Variants in BACH2 observed in about 807,000 individuals in gnomAD.
The protein encoded by BACH2 is BACH transcriptional regulator 2, also known as transcription regulator protein BACH2.
Under a neutral mutation model 61.8 loss-of-function variants are expected in BACH2, and 5 were observed. The ratio of observed to expected loss-of-function variants is 0.08; its 90% CI spans 0.04 to 0.17. The LOEUF (loss-of-function observed/expected upper bound fraction) is 0.17. BACH2 is among the 10% of genes least tolerant of loss of function. BACH2 has a pLI of 1.00. For synonymous variants in BACH2, 446 were observed against 440.1 expected (o/e 1.01, Z -0.17); for missense variants, 824 against 1,091.1 (o/e 0.76, Z 3.45).
chr6:90,021,558 T>C (rs1253979710), intron 5 of BACH2, among the ~76,000 whole-genome samples: 1 of 152,202 alleles, frequency 6.6e-6, no homozygotes, highest in East Asian at 1.9e-4. Flanking sequence ...TATTTAGTAA[T>C]TGCTGAGTAA....
intron 1 of BACH2, among the ~76,000 whole-genome samples, chr6:90,275,693 T>C (rs1440978757): frequency 6.6e-6 from 1 of 152,082 alleles, no homozygotes; most frequent in African/African-American, 2.4e-5. Context: ...CCTGTTGTTC[T>C]GGATGGGCGT....
intron 6 of BACH2, among the ~76,000 whole-genome samples, chr6:89,999,106 A>C (rs1179436102): frequency 1.3e-5 from 2 of 152,252 alleles, no homozygotes; most frequent in African/African-American, 4.8e-5. Flanking sequence ...CACTTAAAAA[A>C]CACACCGTGC....
At chr6:90,154,166 C>A (rs577035478) in intron 4 of BACH2, among the ~76,000 whole-genome samples, 1 of 152,178 alleles carries the variant, frequency 6.6e-6, no homozygotes, top group South Asian at 2.1e-4. Context: ...GGAAACAACC[C>A]TAGCTATTTG....
chr6:90,181,726 C>T (rs140648256), intron 4 of BACH2, among the ~76,000 whole-genome samples: 6 of 152,154 alleles, frequency 3.9e-5, no homozygotes, highest in South Asian at 2.1e-4. Flanking sequence ...GGACCAGCTA[C>T]GGCACCACCA....
chr6:90,022,349 C>T (rs1361476795), intron 5 of BACH2, among the ~76,000 whole-genome samples: 2 of 152,182 alleles, frequency 1.3e-5, no homozygotes, highest in Admixed American at 6.5e-5. Context: ...TTTGAGAGGC[C>T]GAGGTGGGCA....
rs373436788 is a variant in BACH2, at chr6:89,983,499, T to C, written c.243+25103A>G. Among the ~76,000 whole-genome samples the C allele has an allele frequency of 1.1e-4, 16 of 152,174 alleles. 2 individuals carry two copies. Among genetic ancestry groups the C allele is most frequent in the Admixed American group, 6.5e-4 (10 of 15,286 alleles). ...GCCTGGCCAATGTGGTGAAACGCTG[T>C]CTCTACTAAAAATACAAAAATTAGC... is the stretch of plus-strand genomic sequence containing the variant. On this transcript the variant is annotated intron_variant, in intron 6 of 8. Transcript: ENST00000257749.
intron 3 of BACH2, among the ~76,000 whole-genome samples, chr6:90,233,627 C>T (rs1770168451): frequency 2.0e-5 from 3 of 152,178 alleles, no homozygotes; most frequent in South Asian, 4.1e-4. Flanking sequence ...CATTAATGCT[C>T]ATAGGGTCCT....
intron 1 of BACH2, among the ~76,000 whole-genome samples, chr6:90,292,069 G>T (rs1772198191): frequency 6.6e-6 from 1 of 152,198 alleles, no homozygotes; most frequent in African/African-American, 2.4e-5. Context: ...TGTGAGGGCA[G>T]GGACCATGTT....
chr6:90,118,775 A>C (rs183988511), intron 4 of BACH2, among the ~76,000 whole-genome samples: 1 of 152,336 alleles, frequency 6.6e-6, no homozygotes, highest in East Asian at 1.9e-4. Flanking sequence ...TGTTATTTGC[A>C]GTTATCCAAG....
rs1322272380 is a variant in BACH2 at position 89,931,878 on chromosome 6, A to T, written c.*530T>A. 6.6e-6 allele frequency: 1 copy of T among 151,280 alleles called. No homozygotes were observed. Among genetic ancestry groups the T allele is most frequent in the Non-Finnish European group, 1.5e-5 (1 of 67,812 alleles). 9.4% of individuals were successfully genotyped at this position (151,280 alleles called of 1,614,324 possible). Reference sequence around the variant, plus strand: ...TGTTGGAACCTGTTTCTAAATGAGAAATAAGTTTCCAGTTTTAGGATGAGA... The same window carrying T: ...TGTTGGAACCTGTTTCTAAATGAGATATAAGTTTCCAGTTTTAGGATGAGA... On this transcript the variant is annotated 3_prime_UTR_variant, in exon 9 of 9. Transcript: ENST00000257749.
rs1210108619 is a variant in BACH2, at chr6:89,951,713, G to C, written c.393C>G (p.Thr131=). Reference sequence around the variant, plus strand: ...GGCCATCCTCACTGTTCAGGAGCTGGGTCTGCAGGAAGCTGAAGCAGGAGT... The same window carrying C: ...GGCCATCCTCACTGTTCAGGAGCTGCGTCTGCAGGAAGCTGAAGCAGGAGT... ...LEDSCFSFLQ[T]QLLNSEDGLF... is the part of the protein sequence containing the mutation. The change falls in exon 7 of 9, where the codon ACC becomes ACG. Residue 131 remains threonine, a synonymous_variant. Transcript: ENST00000257749. The surrounding 1 kb of genome is among the most constrained non-coding windows in gnomAD (Gnocchi z 6.4). 1 of 1,614,180 alleles carries C rather than the reference G, an allele frequency of 6.2e-7. No individual in the cohort carries two copies. The highest frequency in any genetic ancestry group is 8.5e-7 in the Non-Finnish European group (1 of 1,180,036).
chr6:90,009,796 C>T (rs1582188061), intron 5 of BACH2, among the ~76,000 whole-genome samples: 1 of 152,294 alleles, frequency 6.6e-6, no homozygotes, highest in Non-Finnish European at 1.5e-5. Flanking sequence ...TCCCAAGTAG[C>T]TGGGATTACA....
intron 4 of BACH2, among the ~76,000 whole-genome samples, chr6:90,199,838 T>A (rs73752897): frequency 1.3e-5 from 2 of 152,190 alleles, no homozygotes; most frequent in Non-Finnish European, 2.9e-5. Context: ...AAAGTGAGAA[T>A]AGAAGTGCTA....
At chr6:90,233,556 G>A (rs150313123) in intron 3 of BACH2, among the ~76,000 whole-genome samples, 6 of 152,300 alleles carry the variant, frequency 3.9e-5, no homozygotes, top group Non-Finnish European at 8.8e-5. Context: ...ATGAGTCTCA[G>A]GTACCTCGCC....
Position 89,950,576 on chromosome 6 carries a change from T to G in BACH2, c.1530A>C (p.Ser510=), listed in dbSNP as rs867892902. 2 of 1,610,300 alleles carry G rather than the reference T, an allele frequency of 1.2e-6. No homozygotes were observed. Among genetic ancestry groups the G allele is most frequent in the African/African-American group, 2.7e-5 (2 of 74,612 alleles). The change falls in exon 7 of 9, where the codon TCA becomes TCC. Residue 510 remains serine (S), a synonymous_variant. Coordinates refer to ENST00000257749, the MANE Select transcript of BACH2 (RefSeq NM_021813.4). This position sits in a 1 kb window ranked among gnomAD's most constrained non-coding sequence, Gnocchi z 5.3. ...TCCTGGTCCTGGTCTCCAAGGGGGG[T>G]GAGCGAGGGCAGACTTTGATTGGTA... The part of the protein sequence containing the change: ...CPVPIKVCPR[S]PPLETRTRTS...
At chr6:90,189,295 T>C (rs906673888) in intron 4 of BACH2, among the ~76,000 whole-genome samples, 1 of 152,150 alleles carries the variant, frequency 6.6e-6, no homozygotes, top group Non-Finnish European at 1.5e-5. Flanking sequence ...GTATAGTGAA[T>C]GTGCAAGTTA....
chr6:90,261,489 T>C (rs376238909), intron 2 of BACH2, among the ~76,000 whole-genome samples: 22 of 152,158 alleles, frequency 1.4e-4, no homozygotes, highest in South Asian at 6.2e-4. Flanking sequence ...CACCCACTAA[T>C]TGCTCTTGCT....
In BACH2 at chr6:89,942,578, G is replaced by A. The variant is rs564852735; in HGVS notation, c.1837-4228C>T. ...GAGTCCCAACAGCCAATGTGATGAG[G>A]TGAAGAGTCCTGTGGACTGTCGCCA... On this transcript the variant is annotated intron_variant, in intron 7 of 8. Coordinates refer to ENST00000257749, the MANE Select transcript of BACH2 (RefSeq NM_021813.4). Among the ~76,000 whole-genome samples the A allele has an allele frequency of 1.6e-3, 242 of 152,318 alleles. 1 individual carries two copies. The highest frequency in any genetic ancestry group is 5.5e-3 in the African/African-American group (230 of 41,562).
intron 4 of BACH2, among the ~76,000 whole-genome samples, chr6:90,134,566 G>A (rs1483289527): frequency 6.6e-6 from 1 of 152,190 alleles, no homozygotes; most frequent in Non-Finnish European, 1.5e-5. Flanking sequence ...GGGCCTATGG[G>A]CAAGTTTCAC....
Sources: allele counts gnomAD v4.1 joint callset (sites outside exome capture counted in the v4.1 genomes callset), GRCh38; gene constraint gnomAD v4.1.1; non-coding constraint Gnocchi (gnomAD v3.1); transcripts MANE v1.5; gene names NCBI Gene and HGNC (gene_info 2026-07-23, HGNC 2026-07-21).